RCAN2: variants seen among roughly 807,000 people sequenced by gnomAD.
The protein encoded by RCAN2 is calcipressin-2.
Under a neutral mutation model 23.6 loss-of-function variants are expected in RCAN2, and 9 were observed. The ratio of observed to expected loss-of-function variants is 0.38; its 90% CI spans 0.23 to 0.67. The LOEUF is 0.67. Among genes scored for constraint, RCAN2 ranks in the 30% least tolerant of loss-of-function variants. RCAN2 has a pLI of 0.51. For missense variants in RCAN2, 273 were observed against 302.3 expected (o/e 0.90, Z 0.72); for synonymous variants, 109 against 115.7 (o/e 0.94, Z 0.37).
intron 2 of RCAN2, among the ~76,000 whole-genome samples, chr6:46,355,319 G>A (rs181889178): frequency 1.3e-5 from 2 of 152,110 alleles, no homozygotes; most frequent in Non-Finnish European, 2.9e-5. Flanking sequence ...GTGGCTCATG[G>A]ATCACTAGTA....
chr6:46,468,005 A>G (rs1474922792), intron 1 of RCAN2, among the ~76,000 whole-genome samples: 1 of 152,218 alleles, frequency 6.6e-6, no homozygotes, highest in East Asian at 1.9e-4. Context: ...ATTTTCTGCA[A>G]GTTAGCTCTG....
At chr6:46,272,348 T>A (rs1767548179) in intron 2 of RCAN2, among the ~76,000 whole-genome samples, 1 of 152,198 alleles carries the variant, frequency 6.6e-6, no homozygotes, top group East Asian at 1.9e-4. Context: ...GATCACATCC[T>A]CCTTAGACTC....
intron 2 of RCAN2, among the ~76,000 whole-genome samples, chr6:46,328,494 C>A (rs1284052835): frequency 6.6e-6 from 1 of 152,160 alleles, no homozygotes; most frequent in Non-Finnish European, 1.5e-5. Context: ...GTTTTAAACC[C>A]CCAACTTATT....
intron 2 of RCAN2, among the ~76,000 whole-genome samples, chr6:46,326,379 G>A (rs142663895): frequency 1.6e-4 from 25 of 152,304 alleles, no homozygotes; most frequent in African/African-American, 5.8e-4. Flanking sequence ...TCACTGATGT[G>A]TCTCAGAGCT....
chr6:46,464,879 G>C (rs1768327512), intron 1 of RCAN2, among the ~76,000 whole-genome samples: 1 of 151,006 alleles, frequency 6.6e-6, no homozygotes, highest in Non-Finnish European at 1.5e-5. Context: ...TCAATTCCCT[G>C]TGGAAGCAGC....
intron 2 of RCAN2, among the ~76,000 whole-genome samples, chr6:46,360,213 GGTCTT>G (rs1205265439): frequency 6.6e-6 from 1 of 152,110 alleles, no homozygotes; most frequent in African/African-American, 2.4e-5. Flanking sequence ...TCTATACCAA[GGTCTT>G]AAGAGACCTG....
At chr6:46,373,296 G>A (rs775699973) in intron 2 of RCAN2, among the ~76,000 whole-genome samples, 2 of 151,980 alleles carry the variant, frequency 1.3e-5, no homozygotes, top group East Asian at 1.9e-4. Flanking sequence ...ACAGAGCCTC[G>A]CTCTGTTGCC....
intron 2 of RCAN2, among the ~76,000 whole-genome samples, chr6:46,321,670 GC>G: frequency 6.6e-6 from 1 of 152,312 alleles, no homozygotes; most frequent in African/African-American, 2.4e-5. Context: ...AGGTTTGGAT[GC>G]CCCCTGGCAG....
chr6:46,390,556 G>A (rs534664854), intron 2 of RCAN2, among the ~76,000 whole-genome samples: 12 of 152,316 alleles, frequency 7.9e-5, no homozygotes, highest in Admixed American at 7.8e-4. Flanking sequence ...TTTCTTGTCA[G>A]TTAGTGACCT....
chr6:46,222,919 T>C lies in RCAN2; in HGVS notation c.*222A>G, dbSNP rs984491527. On this transcript the variant is annotated 3_prime_UTR_variant, in exon 5 of 5. Coordinates refer to ENST00000371374, the MANE Select transcript of RCAN2 (RefSeq NM_001251974.2). ...TGTTTAATAAGAAAATACTACTTTT[T>C]TCCCTAGAACCTTCTAAATAATGGG... 399 of 531,106 alleles carry C rather than the reference T, an allele frequency of 7.5e-4. 4 individuals carry two copies. The highest frequency in any genetic ancestry group is 1.4e-4 in the Non-Finnish European group (43 of 297,906). The allele number at this position is 531,106 out of a possible 1,614,324, so 32.9% of individuals were successfully genotyped here. A position where few individuals can be genotyped will look rare whatever the true frequency, so the allele number is the denominator to read the frequency against.
intron 2 of RCAN2, among the ~76,000 whole-genome samples, chr6:46,394,549 C>G (rs1165381117): frequency 1.3e-5 from 2 of 152,050 alleles, no homozygotes; most frequent in Admixed American, 1.3e-4. Context: ...CTTCCTTGAC[C>G]GAGATATTGC....
intron 2 of RCAN2, among the ~76,000 whole-genome samples, chr6:46,313,490 A>G (rs1202470759): frequency 1.3e-5 from 2 of 152,254 alleles, no homozygotes; most frequent in African/African-American, 2.4e-5. Flanking sequence ...TATATCCCAT[A>G]GCCTTCAACC....
At chr6:46,236,479 C>G (rs1766104408) in intron 4 of RCAN2, among the ~76,000 whole-genome samples, 1 of 150,310 alleles carries the variant, frequency 6.7e-6, no homozygotes, top group Non-Finnish European at 1.5e-5. Context: ...ATTTATAATG[C>G]TTAATTATAT....
At chr6:46,259,185 C>CAAAACA (rs1022295858) in intron 2 of RCAN2, among the ~76,000 whole-genome samples, 18 of 151,860 alleles carry the variant, frequency 1.2e-4, no homozygotes, top group African/African-American at 2.9e-4. Context: ...GACCCTGTCT[C>CAAAACA]AAAACAAAAA....
intron 2 of RCAN2, among the ~76,000 whole-genome samples, chr6:46,252,740 A>G (rs1207761502): frequency 1.3e-5 from 2 of 152,232 alleles, no homozygotes; most frequent in Admixed American, 6.5e-5. Flanking sequence ...TAATTTCCAC[A>G]TTAATAGAAG....
intron 4 of RCAN2, among the ~76,000 whole-genome samples, chr6:46,230,453 A>G (rs1042945901): frequency 6.6e-6 from 1 of 152,030 alleles, no homozygotes; most frequent in Non-Finnish European, 1.5e-5. Flanking sequence ...TGCTTTGTTT[A>G]TCTACTCAAG....
chr6:46,252,873 C>A (rs1231277350), intron 2 of RCAN2, among the ~76,000 whole-genome samples: 1 of 152,156 alleles, frequency 6.6e-6, no homozygotes, highest in Admixed American at 6.5e-5. Flanking sequence ...AGTATTTTAA[C>A]AGCCCTTCAA....
chr6:46,483,682 G>A (rs1768923429), intron 1 of RCAN2, among the ~76,000 whole-genome samples: 1 of 152,136 alleles, frequency 6.6e-6, no homozygotes, highest in South Asian at 2.1e-4. Context: ...AAGTCACCAA[G>A]AGACAGAGAA....
chr6:46,328,514 A>G (rs762152580), intron 2 of RCAN2, among the ~76,000 whole-genome samples: 10 of 152,220 alleles, frequency 6.6e-5, no homozygotes, highest in Non-Finnish European at 1.3e-4. Flanking sequence ...TGGGTTTTTA[A>G]TAGTCATTCG....
Sources: allele counts gnomAD v4.1 joint callset (sites outside exome capture counted in the v4.1 genomes callset), GRCh38; gene constraint gnomAD v4.1.1; transcripts MANE v1.5; gene names NCBI Gene and HGNC (gene_info 2026-07-23, HGNC 2026-07-21).